The following BCL7C variants were observed in gnomAD, a reference collection of about 807,000 sequenced individuals.
BCL7C encodes B-cell CLL/lymphoma 7 protein family member C.
BCL7C carries 8 observed loss-of-function variants against 26.2 expected under a neutral mutation model. The ratio of observed to expected loss-of-function variants is 0.30; its 90% CI spans 0.18 to 0.55. BCL7C has a LOEUF of 0.55. Among genes scored for constraint, BCL7C ranks in the 20% least tolerant of loss-of-function variants. The pLI is 0.93. For synonymous variants in BCL7C, 90 were observed against 116.5 expected, an observed-to-expected ratio of 0.77 and a Z score of 1.47; for missense variants, 262 against 298.5, an observed-to-expected ratio of 0.88 and a Z score of 0.90.
At chr16:30,868,687 A>C (rs1322585243) in intron 5 of BCL7C, among the ~76,000 whole-genome samples, 1 of 151,468 alleles carries the variant, frequency 6.6e-6, no homozygotes, top group Non-Finnish European at 1.5e-5. Flanking sequence ...TGGGAGGCTG[A>C]GGCAGGAGAA....
At chr16:30,879,771 C>T (rs1452178930) in intron 5 of BCL7C, among the ~76,000 whole-genome samples, 5 of 146,474 alleles carry the variant, frequency 3.4e-5, no homozygotes, top group Admixed American at 7.0e-5. Context: ...GGGCGGATCA[C>T]GAGGTCAGGA....
chr16:30,861,091 G>A (rs748577798), intron 5 of BCL7C, among the ~76,000 whole-genome samples: 8 of 152,016 alleles, frequency 5.3e-5, no homozygotes, highest in Admixed American at 1.3e-4. Context: ...ATCAGTTAGC[G>A]TTTAGGCTCT....
chr16:30,841,301 T>C (rs2054600368), intron 5 of BCL7C, among the ~76,000 whole-genome samples: 1 of 152,186 alleles, frequency 6.6e-6, no homozygotes, highest in African/African-American at 2.4e-5. Flanking sequence ...TACCTCAGAA[T>C]GTGACTGTAT....
At chr16:30,892,113 A>C (rs2055249534) in intron 4 of BCL7C, among the ~76,000 whole-genome samples, 1 of 149,676 alleles carries the variant, frequency 6.7e-6, no homozygotes, top group South Asian at 2.1e-4. Flanking sequence ...CAAAAAATAC[A>C]AAAATTAGCC....
At position 30,893,333 on chromosome 16, in the gene BCL7C, G is replaced by C; in HGVS notation, c.93-43C>G. 3 of 1,542,080 alleles carry C rather than the reference G, an allele frequency of 1.9e-6. No homozygotes were observed. The highest frequency in any genetic ancestry group is 2.7e-6 in the Non-Finnish European group (3 of 1,121,774). On this transcript the variant is annotated intron_variant, in intron 1 of 5. Coordinates refer to ENST00000215115, the MANE Select transcript of BCL7C (RefSeq NM_004765.4). This position sits in a 1 kb window ranked among gnomAD's most constrained non-coding sequence, Gnocchi z 5.2. ...GCTGGGTCAGAGAGGCCTGAGGGGAGACCCACCCCCCTAGGAGCTGGACAC... is the reference window on the plus strand; with the variant it reads ...GCTGGGTCAGAGAGGCCTGAGGGGACACCCACCCCCCTAGGAGCTGGACAC...
intron 5 of BCL7C, chr16:30,851,781 A>G: frequency 2.4e-6 from 1 of 409,554 alleles, no homozygotes; most frequent in Non-Finnish European, 4.6e-6. Context: ...GGCTTTGGGA[A>G]GTACTTTAGA....
intron 5 of BCL7C, chr16:30,888,658 A>T (rs190697565): frequency 2.1e-6 from 1 of 475,850 alleles, no homozygotes; most frequent in Non-Finnish European, 3.8e-6. Context: ...AATGGTCTCA[A>T]TCAGCCCTGA....
chr16:30,873,558 G>A (rs556606459), intron 5 of BCL7C, among the ~76,000 whole-genome samples: 3 of 152,046 alleles, frequency 2.0e-5, no homozygotes, highest in Non-Finnish European at 2.9e-5. Flanking sequence ...TTTAAAATAC[G>A]TATATATGGG....
chr16:30,835,281 G>T, intron 5 of BCL7C: 2 of 816,448 alleles, frequency 2.4e-6, no homozygotes, highest in Non-Finnish European at 3.6e-6. Context: ...CGATTAAGCT[G>T]GGTATTTTTG....
intron 5 of BCL7C, among the ~76,000 whole-genome samples, chr16:30,880,562 TC>T (rs2055027763): frequency 7.0e-6 from 1 of 142,456 alleles, no homozygotes; most frequent in Non-Finnish European, 1.5e-5. Flanking sequence ...AAAAAAAAAG[TC>T]AGAACAGCGG....
chr16:30,853,496 T>G (rs2054694365), intron 5 of BCL7C, among the ~76,000 whole-genome samples: 1 of 152,212 alleles, frequency 6.6e-6, no homozygotes, highest in Non-Finnish European at 1.5e-5. Context: ...CTTGAGGCAC[T>G]ATCACTCTTT....
At position 30,879,689 on chromosome 16, in the gene BCL7C, C is replaced by CAAAA. The variant is rs1187827463; in HGVS notation, c.528+9167_528+9170dup. The stretch of plus-strand genomic sequence containing the variant: ...AACACAGAGAGACTCCCCTTCTCTA[C>CAAAA]AAAAAAAAAAAAAAAAAAAACTGGG... On this transcript the variant is annotated intron_variant, in intron 5 of 5. Coordinates refer to the BCL7C transcript ENST00000380317. Among the ~76,000 whole-genome samples, 179 of 29,368 alleles carry CAAAA rather than the reference C, an allele frequency of 6.1e-3. 27 individuals are homozygous for CAAAA. The highest frequency in any genetic ancestry group is 0.021 in the African/African-American group (166 of 7,756). The allele number at this position is 29,368 out of a possible 152,430, so 19.3% of individuals were successfully genotyped here.
Position 30,892,855 on chromosome 16 carries a change from G to C in BCL7C, c.265C>G (p.Leu89Val), listed in dbSNP as rs1399646648. 3.7e-6 allele frequency: 6 copies of C among 1,613,202 alleles called. No homozygotes were observed. Among genetic ancestry groups the C allele is most frequent in the Admixed American group, 1.7e-5 (1 of 59,996 alleles). The change falls in exon 3 of 6, where the codon CTG (leucine) becomes GTG (valine). Residue 89 changes from leucine to valine, a missense_variant. Leu to Val is a conservative substitution (Grantham distance 32). Transcript: ENST00000215115. ...CCCTACCTACCATTAAGATCCAGCA[G>C]GATGAGAGGGCCACCCCCTCGGGGA... Reference protein sequence around the residue: ...ASPRGGGPLILLDLNDENSNQ... With the variant: ...ASPRGGGPLIVLDLNDENSNQ...
At chr16:30,889,282 A>C (rs2055186444) in intron 4 of BCL7C, among the ~76,000 whole-genome samples, 1 of 152,168 alleles carries the variant, frequency 6.6e-6, no homozygotes, top group Non-Finnish European at 1.5e-5. Flanking sequence ...CCCCATCTGT[A>C]AAATGGGGAT....
chr16:30,840,480 A>C (rs917015509), intron 5 of BCL7C, among the ~76,000 whole-genome samples: 1 of 152,170 alleles, frequency 6.6e-6, no homozygotes, highest in African/African-American at 2.4e-5. Context: ...AGCCTCCCAA[A>C]GTGCTGGGAT....
intron 2 of BCL7C, 28 bp from the exon 3 acceptor site, chr16:30,892,976 C>T (rs372038719): frequency 3.8e-6 from 6 of 1,592,446 alleles, no homozygotes; most frequent in Non-Finnish European, 5.1e-6. Flanking sequence ...AGGGTCAGAG[C>T]TCTTGGAAAG....
At chr16:30,845,495 C>A (rs545375554) in intron 5 of BCL7C, among the ~76,000 whole-genome samples, 3 of 152,156 alleles carry the variant, frequency 2.0e-5, no homozygotes, top group Non-Finnish European at 4.4e-5. Context: ...TTCTTGGTTC[C>A]AACAGTGCTT....
chr16:30,873,229 G>A (rs1410842043), intron 5 of BCL7C, among the ~76,000 whole-genome samples: 1 of 67,072 alleles, frequency 1.5e-5, no homozygotes, highest in Non-Finnish European at 3.2e-5. Context: ...TGAGCTCAAG[G>A]AGTTGATTTT....
In BCL7C at chr16:30,887,953, G is replaced by A. The variant is rs774130920; in HGVS notation, c.566C>T (p.Pro189Leu). Residue 189 changes from proline to leucine, a missense_variant, in exon 6 of 6, where the codon CCT becomes CTT. Pro to Leu is a moderately conservative substitution (Grantham distance 98). Transcript: ENST00000215115. ...EAYPVFEPVP[P>L]VPEAAQGDTE... The stretch of plus-strand genomic sequence containing the variant: ...GTCACCCTGGGCTGCCTCAGGGACA[G>A]GTGGCACTGGCTCAAAGACAGGGTA... 1.2e-6 allele frequency: 2 copies of A among 1,607,088 alleles called. No homozygotes were observed. The highest frequency in any genetic ancestry group is 1.7e-6 in the Non-Finnish European group (2 of 1,177,092).
Sources: allele counts gnomAD v4.1 joint callset (sites outside exome capture counted in the v4.1 genomes callset), GRCh38; gene constraint gnomAD v4.1.1; non-coding constraint Gnocchi (gnomAD v3.1); transcripts MANE v1.5; gene names NCBI Gene and HGNC (gene_info 2026-07-23, HGNC 2026-07-21).